VEZF1: variants seen among roughly 807,000 people sequenced by gnomAD.
VEZF1 encodes the protein putative transcription factor DB1.
VEZF1 carries 5 observed loss-of-function variants against 44.1 expected under a neutral mutation model. The observed-to-expected ratio is 0.11, with a 90% CI of 0.06 to 0.24. The LOEUF (loss-of-function observed/expected upper bound fraction) is 0.24. VEZF1 is among the 10% of genes least tolerant of loss of function. The probability of loss-of-function intolerance (pLI) is 1.00; values close to 1 mark genes in which losing one functional copy is unlikely to be tolerated. For missense variants in VEZF1, 358 were observed against 641.8 expected (o/e 0.56, Z 4.78); for synonymous variants, 236 against 233.1 (o/e 1.01, Z -0.11).
chr17:57,982,072 C>T (rs2075254109), intron 2 of VEZF1, 136 bp from the exon 3 acceptor site: 3 of 824,386 alleles, frequency 3.6e-6, no homozygotes, highest in Non-Finnish European at 3.9e-6. Context: ...ACCTCCCTCC[C>T]CCGGTGCAAG....
At chr17:57,981,767 T>C in intron 3 of VEZF1, 106 bp downstream of exon 3, 2 of 1,009,394 alleles carry the variant, frequency 2.0e-6, no homozygotes, top group Non-Finnish European at 1.5e-6. Flanking sequence ...TTTACTCAGG[T>C]CAGTGATTTT....
At chr17:57,979,464 G>A in intron 4 of VEZF1, 151 bp from the exon 5 acceptor site, 1 of 1,117,000 alleles carries the variant, frequency 9.0e-7, no homozygotes, top group Non-Finnish European at 1.2e-6. Flanking sequence ...GTCTATATTG[G>A]TCAAAATAAA....
intron 5 of VEZF1, among the ~76,000 whole-genome samples, chr17:57,976,527 A>AT (rs2075192971): frequency 6.6e-6 from 1 of 152,170 alleles, no homozygotes; most frequent in Admixed American, 6.5e-5. Context: ...AGACAATATG[A>AT]TTGTCGATCA....
intron 1 of VEZF1, chr17:57,985,416 C>T (rs1211791092): frequency 9.0e-6 from 11 of 1,225,044 alleles, no homozygotes; most frequent in Non-Finnish European, 1.0e-5. Context: ...GATCCCCACA[C>T]TTCTACAAGA....
Position 57,974,592 on chromosome 17 carries a change from T to C in VEZF1, c.1447A>G (p.Thr483Ala). 1.2e-6 allele frequency: 2 copies of C among 1,613,828 alleles called. No individual in the cohort carries two copies. The highest frequency in any genetic ancestry group is 4.5e-5 in the East Asian group (2 of 44,878). The stretch of plus-strand genomic sequence containing the variant: ...GGTGTGGGTAGATTCATTGGAGATG[T>C]GATGGTGACAGGGTGTGCTATATTC... ...PVNIAHPVTI[T>A]SPMNLPTPMT... is the part of the protein sequence containing the mutation. Residue 483 changes from threonine to alanine, a missense_variant, in exon 6 of 6, where the codon ACA becomes GCA. By Grantham distance (58) the Thr-to-Ala change is moderately conservative. Transcript: ENST00000581208.
At chr17:57,984,152 G>GA (rs1169958207) in intron 1 of VEZF1, among the ~76,000 whole-genome samples, 2 of 152,152 alleles carry the variant, frequency 1.3e-5, no homozygotes, top group African/African-American at 4.8e-5. Flanking sequence ...AGACTAATGA[G>GA]AAAAACAAAC....
At chr17:57,974,951 T>C in intron 5 of VEZF1, 51 bp from the exon 6 acceptor site, 1 of 1,533,688 alleles carries the variant, frequency 6.5e-7, no homozygotes, top group Non-Finnish European at 8.8e-7. Flanking sequence ...GTGAGCAAAA[T>C]TCACAAAGTT....
chr17:57,979,531 CTT>C (rs1260611771), intron 4 of VEZF1, among the ~76,000 whole-genome samples: 3 of 140,508 alleles, frequency 2.1e-5, no homozygotes, highest in African/African-American at 5.4e-5. Flanking sequence ...GAAAAGGACT[CTT>C]TGCTATAAAA....
chr17:57,988,192 GCGGCGGCGGCGGCGGCAA>G lies in VEZF1; in HGVS notation c.-99_-82del, dbSNP rs1184416201. The G allele has an allele frequency of 3.3e-6, 1 of 298,538 alleles. No individual in the cohort carries two copies. Among genetic ancestry groups the G allele is most frequent in the Non-Finnish European group, 5.8e-6 (1 of 172,856 alleles). The allele number at this position is 298,538 out of a possible 1,614,324, so 18.5% of individuals were successfully genotyped here. On this transcript the variant is annotated 5_prime_UTR_variant, in exon 1 of 6. Transcript: ENST00000581208. ...AGCCGGAGGAGGCGACAACAAAGCG[GCGGCGGCGGCGGCGGCAA>G]CGGCAGCGGCGGCTCCTCAACATGG...
intron 2 of VEZF1, among the ~76,000 whole-genome samples, chr17:57,982,240 T>A (rs78816089): frequency 0.087 from 13,295 of 152,264 alleles, 633 homozygotes; most frequent in Middle Eastern, 0.14. Flanking sequence ...ACCACTATAT[T>A]AACTCTAAAA....
chr17:57,986,600 G>A (rs2075295950), intron 1 of VEZF1, among the ~76,000 whole-genome samples: 2 of 152,072 alleles, frequency 1.3e-5, no homozygotes, highest in Non-Finnish European at 2.9e-5. Flanking sequence ...ATAATGTTGG[G>A]TATTTTAGAT....
chr17:57,983,737 TA>T lies in VEZF1; in HGVS notation c.34-345del, dbSNP rs549472355. On this transcript the variant is annotated intron_variant, in intron 1 of 5. Transcript: ENST00000581208. ...TGAAACCAAGTTTAAATAACTTACT[TA>T]AAAAAACCACTCCAGATTTAAGTAT... Among the ~76,000 whole-genome samples, 5 of 152,200 alleles carry T rather than the reference TA, an allele frequency of 3.3e-5. No individual in the cohort carries two copies. In the East Asian group the frequency reaches 9.7e-4, roughly 29 times the overall value.
In VEZF1 at chr17:57,980,631, A is replaced by G. The variant is rs756721252; in HGVS notation, c.948T>C (p.Cys316=). The G allele has an allele frequency of 1.9e-6, 3 of 1,613,270 alleles. No individual in the cohort carries two copies. The East Asian group carries it at 6.7e-5, about 36-fold the overall frequency. ...KTHGQSQSIN[C]NTCKQGISKT... ...TACTGATGCCTTGTTTACATGTATT[A>G]CAGTTGATACTTTGGCTCTGCCCAT... The change falls in exon 4 of 6, where the codon TGT becomes TGC. Residue 316 remains cysteine (C), a synonymous_variant. Transcript: ENST00000581208.
At chr17:57,977,108 A>G (rs1423912069) in intron 5 of VEZF1, among the ~76,000 whole-genome samples, 1 of 152,022 alleles carries the variant, frequency 6.6e-6, no homozygotes, top group African/African-American at 2.4e-5. Flanking sequence ...ATTCTAACAC[A>G]AAAGTTCATT....
At chr17:57,981,408 T>A (rs1424048435) in intron 3 of VEZF1, among the ~76,000 whole-genome samples, 1 of 152,232 alleles carries the variant, frequency 6.6e-6, no homozygotes, top group Non-Finnish European at 1.5e-5. Context: ...AATCATTAAC[T>A]GGAATAGATT....
At chr17:57,985,194 T>C in intron 1 of VEZF1, 1 of 1,092,654 alleles carries the variant, frequency 9.2e-7, no homozygotes. Context: ...CTTATAGCAT[T>C]TAGAGGCATT....
chr17:57,987,433 C>T (rs1396286901), intron 1 of VEZF1, among the ~76,000 whole-genome samples: 1 of 152,110 alleles, frequency 6.6e-6, no homozygotes, highest in Non-Finnish European at 1.5e-5. Flanking sequence ...GGAGGGGATA[C>T]ACACTCACAA....
In VEZF1 at chr17:57,979,243, T is replaced by TTGTTGC. The variant is rs914850486; in HGVS notation, c.1046_1047insGCAACA (p.Gln353_Gln354dup). 3.5e-4 allele frequency: 562 copies of TTGTTGC among 1,597,050 alleles called. No homozygotes were observed. Among genetic ancestry groups the TTGTTGC allele is most frequent in the African/African-American group, 1.0e-3 (75 of 73,826 alleles). Reference sequence around the variant, plus strand: ...TTGTCACATGTTGTTGTTGTTGTTGTTGCTGCTGCTGCTGCTGCTGCTGCT... The same window carrying TTGTTGC: ...TTGTCACATGTTGTTGTTGTTGTTGTTGTTGCTGCTGCTGCTGCTGCTGCTGCTGCT... On this transcript the variant is annotated inframe_insertion, in exon 5 of 6. Transcript: ENST00000581208.
chr17:57,984,571 TC>T (rs1261775003), intron 1 of VEZF1, among the ~76,000 whole-genome samples: 3 of 152,192 alleles, frequency 2.0e-5, no homozygotes, highest in African/African-American at 7.2e-5. Context: ...GCATACAATG[TC>T]CTACTAGGGG....
Sources: allele counts gnomAD v4.1 joint callset (sites outside exome capture counted in the v4.1 genomes callset), GRCh38; gene constraint gnomAD v4.1.1; transcripts MANE v1.5; gene names NCBI Gene and HGNC (gene_info 2026-07-23, HGNC 2026-07-21).